EXOC4: variants seen among roughly 807,000 people sequenced by gnomAD.
EXOC4 encodes SEC8-like 1.
Under a neutral mutation model 107.2 loss-of-function variants are expected in EXOC4, and 71 were observed. The observed-to-expected ratio is 0.66, with a 90% CI of 0.55 to 0.81. EXOC4 has a LOEUF of 0.81. EXOC4 is among the 30% of genes least tolerant of loss of function. The pLI is 0.00. For missense variants in EXOC4, 1,108 were observed against 1,189.6 expected (o/e 0.93, Z 1.01); for synonymous variants, 456 against 441.2 (o/e 1.03, Z -0.42).
chr7:133,413,435 C>T (rs1273179298), intron 7 of EXOC4, among the ~76,000 whole-genome samples: 1 of 152,072 alleles, frequency 6.6e-6, no homozygotes, highest in African/African-American at 2.4e-5. Context: ...TATAGATGGT[C>T]TTTCTTTAGT....
At chr7:133,780,502 C>T (rs1796442215) in intron 10 of EXOC4, among the ~76,000 whole-genome samples, 1 of 152,116 alleles carries the variant, frequency 6.6e-6, no homozygotes, top group East Asian at 1.9e-4. Context: ...TTTTAACTGC[C>T]TTTTTATATT....
intron 12 of EXOC4, among the ~76,000 whole-genome samples, chr7:133,917,008 C>G (rs1368353410): frequency 6.6e-6 from 1 of 152,158 alleles, no homozygotes; most frequent in Non-Finnish European, 1.5e-5. Flanking sequence ...CTAGTCAGAG[C>G]CCACTGGAGA....
chr7:133,769,757 T>A (rs756599011), intron 10 of EXOC4, among the ~76,000 whole-genome samples: 12 of 151,884 alleles, frequency 7.9e-5, no homozygotes, highest in Non-Finnish European at 1.3e-4. Flanking sequence ...CCTTATTCCC[T>A]TTATCATGAA....
At chr7:133,594,812 C>T (rs1451594774) in intron 9 of EXOC4, among the ~76,000 whole-genome samples, 2 of 151,924 alleles carry the variant, frequency 1.3e-5, no homozygotes, top group Non-Finnish European at 2.9e-5. Flanking sequence ...CTTTTTAAGC[C>T]TACTCTGGCT....
chr7:133,703,748 A>G (rs1466647066), intron 10 of EXOC4, among the ~76,000 whole-genome samples: 2 of 152,170 alleles, frequency 1.3e-5, no homozygotes, highest in Non-Finnish European at 2.9e-5. Context: ...TAATTCCTGT[A>G]GGAGCTGTCT....
chr7:133,348,260 T>C (rs1795830509), intron 5 of EXOC4, among the ~76,000 whole-genome samples: 3 of 152,196 alleles, frequency 2.0e-5, no homozygotes, highest in Admixed American at 6.5e-5. Context: ...TTAATTAATA[T>C]TGGATCTGTT....
At chr7:133,853,373 CACACACACACACACACACACACACA>C (rs1467665369) in intron 11 of EXOC4, among the ~76,000 whole-genome samples, 5 of 117,256 alleles carry the variant, frequency 4.3e-5, no homozygotes, top group African/African-American at 1.6e-4. Flanking sequence ...CACACACACA[CACACACACACACACACACACACACA>C]ACTTTTTAGA....
At chr7:133,576,805 G>T in intron 9 of EXOC4, 1 of 1,289,442 alleles carries the variant, frequency 7.8e-7, no homozygotes, top group South Asian at 1.2e-5. Flanking sequence ...TCTGTGCATG[G>T]CAAGTTTTAC....
chr7:133,480,810 T>A (rs1285642830), intron 9 of EXOC4: 1 of 151,912 alleles, frequency 6.6e-6, no homozygotes, highest in Non-Finnish European at 1.5e-5. Context: ...TCTCAGCACT[T>A]TGGGAGACTG....
intron 11 of EXOC4, among the ~76,000 whole-genome samples, chr7:133,853,032 A>G (rs1049606524): frequency 6.6e-6 from 1 of 152,188 alleles, no homozygotes; most frequent in Admixed American, 6.6e-5. Flanking sequence ...GATTTAGTCA[A>G]TTACCTGTCT....
intron 1 of EXOC4, among the ~76,000 whole-genome samples, chr7:133,257,803 G>A (rs753463197): frequency 3.3e-5 from 5 of 152,208 alleles, no homozygotes; most frequent in Admixed American, 6.5e-5. Context: ...CAAAAACTTA[G>A]AAAATCCTTT....
At chr7:133,961,921 G>GT (rs955420176) in intron 14 of EXOC4, among the ~76,000 whole-genome samples, 4 of 152,172 alleles carry the variant, frequency 2.6e-5, no homozygotes, top group African/African-American at 9.7e-5. Context: ...ACCTCATCTA[G>GT]TCCTTACAGC....
intron 9 of EXOC4, among the ~76,000 whole-genome samples, chr7:133,622,001 G>A (rs1033585072): frequency 6.6e-5 from 10 of 152,018 alleles, no homozygotes; most frequent in Non-Finnish European, 1.2e-4. Flanking sequence ...TAAAGATAGG[G>A]TCTCACTCTG....
At chr7:133,895,150 G>A (rs1189494331) in intron 11 of EXOC4, 4 of 134,426 alleles carry the variant, frequency 3.0e-5, no homozygotes, top group African/African-American at 3.8e-5. Flanking sequence ...TTTTTAAGCC[G>A]GTCTGAAAAG....
intron 3 of EXOC4, among the ~76,000 whole-genome samples, chr7:133,290,332 TC>T (rs1361465997): frequency 6.6e-6 from 1 of 152,160 alleles, no homozygotes; most frequent in Non-Finnish European, 1.5e-5. Flanking sequence ...AAAGATTGAC[TC>T]TTGGGAATGA....
intron 17 of EXOC4, among the ~76,000 whole-genome samples, chr7:134,034,751 G>A (rs573850143): frequency 2.6e-5 from 4 of 152,218 alleles, no homozygotes; most frequent in African/African-American, 4.8e-5. Context: ...GTATGAAAAC[G>A]GACTAATACA....
chr7:133,968,373 C>A (rs971772884), intron 14 of EXOC4, among the ~76,000 whole-genome samples: 3 of 152,086 alleles, frequency 2.0e-5, no homozygotes, highest in African/African-American at 4.8e-5. Context: ...TGAATTTGAT[C>A]CTGTCATTAT....
chr7:133,541,512 T>G (rs949515053), intron 9 of EXOC4, among the ~76,000 whole-genome samples: 1 of 152,218 alleles, frequency 6.6e-6, no homozygotes, highest in Non-Finnish European at 1.5e-5. Context: ...ACGTTATTTA[T>G]TTTTTGAGAG....
intron 7 of EXOC4, among the ~76,000 whole-genome samples, chr7:133,470,935 A>G (rs1798859112): frequency 6.6e-6 from 1 of 152,188 alleles, no homozygotes; most frequent in Admixed American, 6.5e-5. Context: ...TGCTTAGAAT[A>G]TATACAATTT....
Sources: allele counts gnomAD v4.1 joint callset (sites outside exome capture counted in the v4.1 genomes callset), GRCh38; gene constraint gnomAD v4.1.1; transcripts MANE v1.5; gene names NCBI Gene and HGNC (gene_info 2026-07-23, HGNC 2026-07-21).